The following MTSS1 variants were observed in gnomAD, a reference collection of about 807,000 sequenced individuals.
MTSS1 encodes MTSS I-BAR domain containing 1.
A neutral mutation model predicts 79.0 loss-of-function variants in MTSS1; 18 were observed. That is an observed-to-expected ratio of 0.23 (90% CI 0.16 to 0.34). MTSS1 has a LOEUF of 0.34. Among genes scored for constraint, MTSS1 ranks in the 10% least tolerant of loss-of-function variants. The pLI is 1.00. For missense variants in MTSS1, 815 were observed against 986.2 expected (o/e 0.83, Z 2.33); for synonymous variants, 341 against 368.6 (o/e 0.93, Z 0.86).
At position 124,622,793 on chromosome 8, in the gene MTSS1, C is replaced by CAAA. The variant is rs11403789; in HGVS notation, c.209-31561_209-31559dup. Among the ~76,000 whole-genome samples, 691 of 120,572 alleles carry CAAA rather than the reference C, an allele frequency of 5.7e-3. 6 individuals are homozygous for CAAA. Among genetic ancestry groups the CAAA allele is most frequent in the Non-Finnish European group, 9.6e-3 (518 of 54,174 alleles). 79.1% of individuals were successfully genotyped at this position (120,572 alleles called of 152,430 possible). ...GGGCGGCAGAGCAGGGAGTCCATCT[C>CAAA]AAAAAAAAAAAAAAAAGTAATTATG... On this transcript the variant is annotated intron_variant, in intron 3 of 13. Transcript: ENST00000518547.
chr8:124,556,145 T>G (rs531462070), intron 12 of MTSS1, 87 bp downstream of exon 12: 1 of 1,593,852 alleles, frequency 6.3e-7, no homozygotes, highest in African/African-American at 1.3e-5. Flanking sequence ...GCTGCAAGGC[T>G]GCCTTGGCCC....
intron 3 of MTSS1, among the ~76,000 whole-genome samples, chr8:124,639,380 C>A (rs1587496626): frequency 6.6e-6 from 1 of 152,220 alleles, no homozygotes. Flanking sequence ...AAAATTATCA[C>A]AACAAAACAA....
At chr8:124,632,024 C>T (rs1286555419) in intron 3 of MTSS1, among the ~76,000 whole-genome samples, 1 of 152,184 alleles carries the variant, frequency 6.6e-6, no homozygotes, top group Non-Finnish European at 1.5e-5. Context: ...TTCCTGTAAG[C>T]CCAACACTTT....
chr8:124,694,061 C>A (rs567721290), intron 3 of MTSS1, among the ~76,000 whole-genome samples: 10 of 152,196 alleles, frequency 6.6e-5, no homozygotes, highest in Non-Finnish European at 8.8e-5. Flanking sequence ...TTCTAACTAC[C>A]GCATATAGAC....
intron 3 of MTSS1, among the ~76,000 whole-genome samples, chr8:124,629,108 T>C (rs1209818275): frequency 6.6e-6 from 1 of 152,216 alleles, no homozygotes; most frequent in Non-Finnish European, 1.5e-5. Context: ...TTCATCTTCA[T>C]TCTTTCAACA....
At chr8:124,568,624 C>A (rs1239129816) in intron 6 of MTSS1, 88 bp from the exon 7 acceptor site, 1 of 1,575,554 alleles carries the variant, frequency 6.3e-7, no homozygotes, top group East Asian at 2.2e-5. Flanking sequence ...TTGCTGGAGT[C>A]AAAACCACAA....
chr8:124,595,559 C>T (rs1832613475), intron 3 of MTSS1, among the ~76,000 whole-genome samples: 1 of 152,216 alleles, frequency 6.6e-6, no homozygotes. Context: ...CATCTTCTCT[C>T]TCCGCCTCCA....
chr8:124,571,173 C>T (rs1171754999), intron 6 of MTSS1, among the ~76,000 whole-genome samples: 1 of 152,178 alleles, frequency 6.6e-6, no homozygotes, highest in African/African-American at 2.4e-5. Context: ...AAACATTCTC[C>T]CATTCTCTCC....
At chr8:124,705,600 T>C (rs1278913101) in intron 1 of MTSS1, among the ~76,000 whole-genome samples, 2 of 152,228 alleles carry the variant, frequency 1.3e-5, no homozygotes, top group African/African-American at 4.8e-5. Context: ...ATGCTACCTC[T>C]TGATTTTCTT....
chr8:124,590,481 C>T (rs1831663674), intron 4 of MTSS1, among the ~76,000 whole-genome samples: 1 of 152,148 alleles, frequency 6.6e-6, no homozygotes, highest in Non-Finnish European at 1.5e-5. Context: ...AGAAGAGTGA[C>T]GAGACCCAGA....
chr8:124,602,269 G>C (rs765708354), intron 3 of MTSS1, among the ~76,000 whole-genome samples: 5 of 144,512 alleles, frequency 3.5e-5, no homozygotes, highest in Non-Finnish European at 6.0e-5. Flanking sequence ...GTGTGATCAC[G>C]GCTCACTGCA....
intron 1 of MTSS1, among the ~76,000 whole-genome samples, chr8:124,722,411 G>A (rs1480620971): frequency 6.6e-6 from 1 of 152,126 alleles, no homozygotes; most frequent in Non-Finnish European, 1.5e-5. Flanking sequence ...GTTGAGACGG[G>A]GACTGCTCTG....
chr8:124,645,417 T>C (rs543822129), intron 3 of MTSS1, among the ~76,000 whole-genome samples: 60 of 152,268 alleles, frequency 3.9e-4, no homozygotes, highest in Admixed American at 7.9e-4. Flanking sequence ...ATTTTCAATG[T>C]GTAGAAGAAA....
rs1833003861 is a variant in MTSS1, at chr8:124,597,674, A to G, written c.209-6439T>C. 6.6e-6 allele frequency among the ~76,000 whole-genome samples: 1 copy of G among 152,152 alleles called. No homozygotes were observed. The highest frequency in any genetic ancestry group is 2.4e-5 in the African/African-American group (1 of 41,420). On this transcript the variant is annotated intron_variant, in intron 3 of 13. Coordinates refer to ENST00000518547, the MANE Select transcript of MTSS1 (RefSeq NM_014751.6). The surrounding 1 kb of genome is among the most constrained non-coding windows in gnomAD (Gnocchi z 4.6). ...CAGTGTGGGCAGGTGGCGAGCGAGGACTGAAAAGACGTTTTGTCAGGCCCA... is the reference window on the plus strand; with the variant it reads ...CAGTGTGGGCAGGTGGCGAGCGAGGGCTGAAAAGACGTTTTGTCAGGCCCA...
At chr8:124,583,182 A>G (rs536601826) in intron 6 of MTSS1, among the ~76,000 whole-genome samples, 1 of 152,184 alleles carries the variant, frequency 6.6e-6, no homozygotes. Context: ...GTGGCTGAGA[A>G]GACAGATGCT....
chr8:124,614,663 A>G (rs1836507611), intron 3 of MTSS1, among the ~76,000 whole-genome samples: 3 of 152,264 alleles, frequency 2.0e-5, no homozygotes, highest in Admixed American at 2.0e-4. Context: ...AATCCATTAT[A>G]TACCCGCATC....
chr8:124,665,481 C>T (rs1822883045), intron 3 of MTSS1, among the ~76,000 whole-genome samples: 1 of 152,180 alleles, frequency 6.6e-6, no homozygotes, highest in Non-Finnish European at 1.5e-5. Flanking sequence ...TTGGTGATTT[C>T]CACCTGGCTT....
At chr8:124,671,776 A>G (rs373329148) in intron 3 of MTSS1, among the ~76,000 whole-genome samples, 4 of 152,224 alleles carry the variant, frequency 2.6e-5, no homozygotes, top group African/African-American at 9.6e-5. Flanking sequence ...AGAACACAGC[A>G]TTCTGCCCCA....
Position 124,727,993 on chromosome 8 carries a change from G to A in MTSS1, c.-38C>T. ...GGCAGGGCGAGGGCACACACGCGGG[G>A]CCGCTGGACTGCGCGCGGGGCCGGG... On this transcript the variant is annotated 5_prime_UTR_variant, in exon 1 of 14. Transcript: ENST00000518547. This position sits in a 1 kb window ranked among gnomAD's most constrained non-coding sequence, Gnocchi z 4.7. The A allele has an allele frequency of 6.3e-7, 1 of 1,585,346 alleles. No homozygotes were observed. The highest frequency in any genetic ancestry group is 8.6e-7 in the Non-Finnish European group (1 of 1,160,996).
Sources: gnomAD v4.1 joint callset for allele counts (sites outside exome capture counted in the v4.1 genomes callset) on GRCh38, gnomAD v4.1.1 for gene constraint, Gnocchi (gnomAD v3.1) non-coding constraint, MANE v1.5 for transcripts, NCBI Gene and HGNC (gene_info 2026-07-23, HGNC 2026-07-21) for gene names.